TACC2: variants seen among roughly 807,000 people sequenced by gnomAD.
The protein encoded by TACC2 is transforming acidic coiled-coil-containing protein 2.
TACC2 carries 137 observed loss-of-function variants against 227.3 expected under a neutral mutation model. That is an observed-to-expected ratio of 0.60 (90% CI 0.52 to 0.69). The LOEUF is 0.69. TACC2 is among the 30% of genes least tolerant of loss of function. The probability of loss-of-function intolerance (pLI) is 0.00; values close to 1 mark genes in which losing one functional copy is unlikely to be tolerated. For synonymous variants in TACC2, 1,523 were observed against 1,487.5 expected, an observed-to-expected ratio of 1.02 and a Z score of -0.55; for missense variants, 3,470 against 3,694.4, an observed-to-expected ratio of 0.94 and a Z score of 1.57.
intron 15 of TACC2, 70 bp downstream of exon 15, chr10:122,229,556 A>G (rs986713420): frequency 3.2e-6 from 5 of 1,562,674 alleles, no homozygotes; most frequent in African/African-American, 1.4e-5. Context: ...CCCGAGGCCC[A>G]AATGAAATAA....
chr10:122,193,988 G>A (rs1036448071), intron 7 of TACC2, among the ~76,000 whole-genome samples: 2 of 152,170 alleles, frequency 1.3e-5, no homozygotes, highest in African/African-American at 4.8e-5. Flanking sequence ...CACAGTCATA[G>A]CTCACTGCAG....
intron 5 of TACC2, among the ~76,000 whole-genome samples, chr10:122,123,214 A>G (rs1262636421): frequency 6.6e-6 from 1 of 152,148 alleles, no homozygotes; most frequent in African/African-American, 2.4e-5. Context: ...GATATTGGCC[A>G]GGCTGGTCTC....
intron 18 of TACC2, among the ~76,000 whole-genome samples, chr10:122,239,161 G>T (rs2095927032): frequency 6.6e-6 from 1 of 152,046 alleles, no homozygotes; most frequent in South Asian, 2.1e-4. Flanking sequence ...CTGCCACCAT[G>T]CCCGGCTAAT....
chr10:122,033,112 C>T, intron 2 of TACC2: 1 of 1,289,370 alleles, frequency 7.8e-7, no homozygotes, highest in Non-Finnish European at 1.0e-6. Context: ...CTCCGTCTTG[C>T]ATAACGTCAT....
At chr10:122,162,973 G>GAAC (rs1179568942) in intron 7 of TACC2, among the ~76,000 whole-genome samples, 1 of 152,030 alleles carries the variant, frequency 6.6e-6, no homozygotes, top group Admixed American at 6.6e-5. Flanking sequence ...GGCCAAAGAT[G>GAAC]GTGTTGCAGC....
intron 3 of TACC2, among the ~76,000 whole-genome samples, chr10:122,065,612 G>GT (rs1448249669): frequency 2.6e-5 from 4 of 152,276 alleles, no homozygotes. Context: ...TTAAAAAAGT[G>GT]TTAATTAAGT....
intron 7 of TACC2, among the ~76,000 whole-genome samples, chr10:122,176,117 CTA>C (rs35172894): frequency 0.032 from 1,742 of 54,118 alleles, 9 homozygotes; most frequent in South Asian, 0.037. Flanking sequence ...CTCTCTCTCT[CTA>C]TATATATATA....
At chr10:122,035,852 G>C (rs1042477768) in intron 2 of TACC2, among the ~76,000 whole-genome samples, 1 of 150,918 alleles carries the variant, frequency 6.6e-6, no homozygotes, top group African/African-American at 2.4e-5. Flanking sequence ...TTATTCTGTC[G>C]CTGAGGATGG....
chr10:122,233,056 G>A (rs1173099712), intron 16 of TACC2, among the ~76,000 whole-genome samples: 2 of 152,162 alleles, frequency 1.3e-5, no homozygotes, highest in African/African-American at 4.8e-5. Flanking sequence ...CTAGACTGAT[G>A]GAGAGCTGAG....
chr10:122,162,161 C>A (rs2139808431), intron 7 of TACC2, among the ~76,000 whole-genome samples: 1 of 152,270 alleles, frequency 6.6e-6, no homozygotes, highest in Admixed American at 6.5e-5. Context: ...AAATTTCATG[C>A]TGTTACATCC....
chr10:122,164,165 A>C (rs552768754), intron 7 of TACC2, among the ~76,000 whole-genome samples: 3 of 152,186 alleles, frequency 2.0e-5, no homozygotes, highest in Non-Finnish European at 4.4e-5. Context: ...AGCATCTGGT[A>C]GCCCCAAGTT....
intron 7 of TACC2, chr10:122,163,731 C>T: frequency 8.5e-7 from 1 of 1,170,798 alleles, no homozygotes; most frequent in Non-Finnish European, 1.1e-6. Flanking sequence ...GGCGCTCGCC[C>T]CCCGGCCCCC....
intron 5 of TACC2, among the ~76,000 whole-genome samples, chr10:122,115,679 G>T (rs567171092): frequency 4.1e-4 from 63 of 152,314 alleles, no homozygotes; most frequent in African/African-American, 1.5e-3. Context: ...GGCTGTAAGC[G>T]TAGATGAGAC....
intron 5 of TACC2, among the ~76,000 whole-genome samples, chr10:122,129,121 C>T (rs1407233025): frequency 6.7e-6 from 1 of 149,260 alleles, no homozygotes; most frequent in African/African-American, 2.4e-5. Flanking sequence ...GCTCTTGTCA[C>T]CCAGGCTGGA....
intron 5 of TACC2, among the ~76,000 whole-genome samples, chr10:122,089,095 G>T (rs1356599530): frequency 6.6e-6 from 1 of 152,080 alleles, no homozygotes; most frequent in African/African-American, 2.4e-5. Context: ...CTCCACCCTG[G>T]GTGACAGAGA....
chr10:122,086,604 A>G lies in TACC2; in HGVS notation c.4104A>G (p.Gly1368=). Residue 1368 remains glycine, a synonymous_variant, in exon 4 of 23, where the codon GGA becomes GGG. Transcript: ENST00000369005. The stretch of plus-strand genomic sequence containing the variant: ...AGGGCATGGCAGGTGATGCAGCAGG[A>G]GAGACAGAGGGCAGCATGGAGAGGA... ...SGEGMAGDAA[G]ETEGSMERMG... The G allele has an allele frequency of 1.3e-6, 2 of 1,598,232 alleles. No homozygotes were observed. Among genetic ancestry groups the G allele is most frequent in the South Asian group, 2.3e-5 (2 of 87,238 alleles).
intron 7 of TACC2, among the ~76,000 whole-genome samples, chr10:122,168,606 C>T (rs1310064213): frequency 6.6e-6 from 1 of 152,126 alleles, no homozygotes; most frequent in Non-Finnish European, 1.5e-5. Flanking sequence ...ACCAATCATC[C>T]AAGGGGCCAT....
chr10:122,131,302 T>C (rs1247748425), intron 5 of TACC2, among the ~76,000 whole-genome samples: 6 of 151,934 alleles, frequency 3.9e-5, no homozygotes, highest in Non-Finnish European at 8.8e-5. Flanking sequence ...AAGGATCTGA[T>C]CAAGGAGTGG....
At chr10:122,061,084 C>T (rs2076762732) in intron 3 of TACC2, among the ~76,000 whole-genome samples, 1 of 149,588 alleles carries the variant, frequency 6.7e-6, no homozygotes, top group Non-Finnish European at 1.5e-5. Flanking sequence ...CCGAGGCGGG[C>T]AGATCACGAG....
Sources: gnomAD v4.1 joint callset for allele counts (sites outside exome capture counted in the v4.1 genomes callset) on GRCh38, gnomAD v4.1.1 for gene constraint, MANE v1.5 for transcripts, NCBI Gene and HGNC (gene_info 2026-07-23, HGNC 2026-07-21) for gene names.